The following IQCM variants were observed in gnomAD, a reference collection of about 807,000 sequenced individuals.
IQCM encodes the protein IQ motif containing M.
IQCM carries 45 observed loss-of-function variants against 57.6 expected under a neutral mutation model. The observed-to-expected ratio is 0.78, with a 90% CI of 0.62 to 1.00. The LOEUF (loss-of-function observed/expected upper bound fraction) is 1.00, where lower values mean the gene tolerates loss of function less well. Among genes scored for constraint, IQCM ranks in the 50% least tolerant of loss-of-function variants. IQCM has a pLI of 0.00. For missense variants in IQCM, 468 were observed against 511.6 expected (o/e 0.91, Z 0.82); for synonymous variants, 148 against 158.9 (o/e 0.93, Z 0.51).
At chr4:149,470,493 AAG>A (rs1739399423) in intron 12 of IQCM, among the ~76,000 whole-genome samples, 1 of 152,158 alleles carries the variant, frequency 6.6e-6, no homozygotes, top group Non-Finnish European at 1.5e-5. Flanking sequence ...GCGACCTAGA[AAG>A]AGACTTAGAC....
intron 8 of IQCM, among the ~76,000 whole-genome samples, chr4:149,599,630 T>C (rs976973128): frequency 6.6e-6 from 1 of 152,074 alleles, no homozygotes. Context: ...TGTGGAAATA[T>C]TCCTTGAGCT....
intron 7 of IQCM, among the ~76,000 whole-genome samples, chr4:149,654,553 G>A (rs764138989): frequency 4.6e-4 from 70 of 152,148 alleles, no homozygotes; most frequent in Non-Finnish European, 8.2e-4. Context: ...GTCTGCACTA[G>A]GCTTGTACAG....
intron 7 of IQCM, among the ~76,000 whole-genome samples, chr4:149,635,289 G>A: frequency 6.6e-6 from 1 of 152,180 alleles, no homozygotes; most frequent in East Asian, 1.9e-4. Context: ...TAAATTCCTA[G>A]ATCAGAACTA....
chr4:149,371,311 G>A (rs1010560930), intron 13 of IQCM, among the ~76,000 whole-genome samples: 1 of 152,104 alleles, frequency 6.6e-6, no homozygotes, highest in South Asian at 2.1e-4. Context: ...CAGTAACATC[G>A]ACTCTGCCTG....
At chr4:149,609,622 G>T (rs144848969) in intron 8 of IQCM, among the ~76,000 whole-genome samples, 1 of 151,932 alleles carries the variant, frequency 6.6e-6, no homozygotes, top group African/African-American at 2.4e-5. Context: ...CCAACAGAAT[G>T]AAGGACAAAA....
intron 7 of IQCM, among the ~76,000 whole-genome samples, chr4:149,668,340 GA>G (rs2150170850): frequency 1.3e-5 from 2 of 152,244 alleles, no homozygotes; most frequent in African/African-American, 4.8e-5. Context: ...CTTCATAAGT[GA>G]AGGAGAAATA....
intron 5 of IQCM, among the ~76,000 whole-genome samples, chr4:149,727,092 T>C (rs1411490722): frequency 6.6e-6 from 1 of 152,198 alleles, no homozygotes; most frequent in African/African-American, 2.4e-5. Context: ...TTCTTTTTAC[T>C]GTTTAAAGTG....
At chr4:149,569,616 A>G (rs991426399) in intron 9 of IQCM, among the ~76,000 whole-genome samples, 2 of 152,180 alleles carry the variant, frequency 1.3e-5, no homozygotes, top group African/African-American at 4.8e-5. Flanking sequence ...ATCTTTTGAA[A>G]GAAACATCAA....
At chr4:149,404,342 C>G (rs768069126) in intron 13 of IQCM, among the ~76,000 whole-genome samples, 20 of 152,140 alleles carry the variant, frequency 1.3e-4, no homozygotes, top group Admixed American at 3.9e-4. Context: ...CCTCCCTAGA[C>G]TCTAAATGTT....
intron 8 of IQCM, among the ~76,000 whole-genome samples, chr4:149,606,218 C>A (rs1754764201): frequency 1.3e-5 from 2 of 152,164 alleles, no homozygotes; most frequent in Admixed American, 1.3e-4. Context: ...CACCCCTCCC[C>A]CAGCTCCAGG....
At chr4:149,471,191 GA>G (rs1739498330) in intron 12 of IQCM, among the ~76,000 whole-genome samples, 1 of 152,008 alleles carries the variant, frequency 6.6e-6, no homozygotes, top group African/African-American at 2.4e-5. Context: ...CTGGTTTTTT[GA>G]AAAGATCAAC....
chr4:149,762,136 G>A (rs1219298408), intron 2 of IQCM, among the ~76,000 whole-genome samples: 3 of 151,658 alleles, frequency 2.0e-5, no homozygotes, highest in African/African-American at 4.8e-5. Flanking sequence ...TGAGACACAA[G>A]AGGTCATAAT....
intron 12 of IQCM, among the ~76,000 whole-genome samples, chr4:149,487,736 T>C (rs1741673347): frequency 6.6e-6 from 1 of 152,120 alleles, no homozygotes; most frequent in African/African-American, 2.4e-5. Flanking sequence ...CATTGTAAAA[T>C]CCCCTAGTCA....
rs188887559 is a variant in IQCM, at chr4:149,398,647, T to C, written c.1390+34749A>G. Among the ~76,000 whole-genome samples, 73 of 152,160 alleles carry C rather than the reference T, an allele frequency of 4.8e-4. 3 individuals carry two copies. Among genetic ancestry groups the C allele is most frequent in the Admixed American group, 4.3e-3 (65 of 15,250 alleles). On this transcript the variant is annotated intron_variant, in intron 13 of 13. Coordinates refer to ENST00000636793, the MANE Select transcript of IQCM (RefSeq NM_001363507.2). Reference sequence around the variant, plus strand: ...TTGTTTTCTTAATGTACTTTCTGGATAGTTTATTATTGCATTGTTTTTTGA... The same window carrying C: ...TTGTTTTCTTAATGTACTTTCTGGACAGTTTATTATTGCATTGTTTTTTGA...
chr4:149,471,209 G>C (rs565556793), intron 12 of IQCM, among the ~76,000 whole-genome samples: 2 of 152,156 alleles, frequency 1.3e-5, no homozygotes, highest in Admixed American at 1.3e-4. Flanking sequence ...CAACAAAATT[G>C]ATAGACCTCT....
At chr4:149,443,145 C>T (rs186566455) in intron 12 of IQCM, among the ~76,000 whole-genome samples, 73 of 152,130 alleles carry the variant, frequency 4.8e-4, no homozygotes, top group Non-Finnish European at 9.7e-4. Context: ...TCAGGGAAGC[C>T]TCAGTTCTGT....
At chr4:149,650,975 T>C (rs938150027) in intron 7 of IQCM, among the ~76,000 whole-genome samples, 1 of 152,180 alleles carries the variant, frequency 6.6e-6, no homozygotes, top group Non-Finnish European at 1.5e-5. Flanking sequence ...CCTTTTTTCT[T>C]CTTGGAAATA....
intron 12 of IQCM, among the ~76,000 whole-genome samples, chr4:149,501,040 A>G (rs776767093): frequency 6.6e-6 from 1 of 152,176 alleles, no homozygotes; most frequent in Non-Finnish European, 1.5e-5. Flanking sequence ...AAATCTCTTT[A>G]TATTTATTTG....
chr4:149,771,132 A>G (rs1339810491), intron 2 of IQCM, among the ~76,000 whole-genome samples: 1 of 152,128 alleles, frequency 6.6e-6, no homozygotes, highest in African/African-American at 2.4e-5. Context: ...TATATTTTCT[A>G]TAAAGAACAC....
Sources: gnomAD v4.1 joint callset for allele counts (sites outside exome capture counted in the v4.1 genomes callset) on GRCh38, gnomAD v4.1.1 for gene constraint, MANE v1.5 for transcripts, NCBI Gene and HGNC (gene_info 2026-07-23, HGNC 2026-07-21) for gene names.